Variants in TTLL5 observed in about 807,000 individuals in gnomAD.
The protein encoded by TTLL5 is tubulin tyrosine ligase like 5, also known as tubulin polyglutamylase TTLL5.
A neutral mutation model predicts 168.4 loss-of-function variants in TTLL5; 132 were observed. That is an observed-to-expected ratio of 0.78 (90% CI 0.68 to 0.91). TTLL5 has a LOEUF of 0.91. TTLL5 is among the 40% of genes least tolerant of loss of function. TTLL5 has a pLI of 0.00. For missense variants in TTLL5, 1,545 were observed against 1,581.5 expected, an observed-to-expected ratio of 0.98 and a Z score of 0.39; for synonymous variants, 546 against 558.6, an observed-to-expected ratio of 0.98 and a Z score of 0.32.
intron 3 of TTLL5, among the ~76,000 whole-genome samples, chr14:75,680,115 A>G (rs1363485188): frequency 1.3e-5 from 2 of 152,240 alleles, no homozygotes; most frequent in African/African-American, 2.4e-5. Context: ...AAAATTCTTC[A>G]GCAGAATTCT....
chr14:75,819,674 C>G (rs1457292542), intron 27 of TTLL5, among the ~76,000 whole-genome samples: 4 of 152,222 alleles, frequency 2.6e-5, no homozygotes, highest in Non-Finnish European at 4.4e-5. Context: ...GGCAGAAAGA[C>G]TAGTTCGCCT....
chr14:75,754,974 A>G (rs924261262), intron 18 of TTLL5, among the ~76,000 whole-genome samples: 5 of 152,122 alleles, frequency 3.3e-5, no homozygotes, highest in Non-Finnish European at 7.4e-5. Flanking sequence ...ATTAAAAAAA[A>G]CATAATTTGG....
chr14:75,705,099 G>A (rs1201469910), intron 7 of TTLL5, among the ~76,000 whole-genome samples: 1 of 152,238 alleles, frequency 6.6e-6, no homozygotes, highest in Non-Finnish European at 1.5e-5. Context: ...TTCTCATTGA[G>A]CAGATTCAAA....
chr14:75,755,973 C>T (rs551703490), intron 18 of TTLL5, among the ~76,000 whole-genome samples: 94 of 128,618 alleles, frequency 7.3e-4, no homozygotes, highest in Non-Finnish European at 1.4e-3. Flanking sequence ...TATGTCCTGG[C>T]CACCCCCCCA....
At chr14:75,908,128 G>A (rs1031729285) in intron 31 of TTLL5, among the ~76,000 whole-genome samples, 3 of 152,256 alleles carry the variant, frequency 2.0e-5, no homozygotes, top group Non-Finnish European at 4.4e-5. Context: ...AGCCTGAGCT[G>A]TGTATAAGCG....
rs374432375 is a variant in TTLL5, at chr14:75,938,698, C to T, written c.3824-15726C>T. On this transcript the variant is annotated intron_variant, in intron 31 of 31. Transcript: ENST00000298832. ...TTGCAATTTTCCTAAGGTTACTGCT[C>T]GTAAATCTCAGTTTCCCAAGATGAT... 3.3e-5 allele frequency among the ~76,000 whole-genome samples: 5 copies of T among 152,204 alleles called. No individual in the cohort carries two copies. The South Asian group carries it at 6.2e-4, about 19-fold the overall frequency.
chr14:75,904,385 T>G (rs1241312870), intron 31 of TTLL5: 10 of 430,148 alleles, frequency 2.3e-5, no homozygotes, highest in Non-Finnish European at 3.1e-5. Context: ...CTCTTCAAGT[T>G]TGCTTCTGCT....
intron 28 of TTLL5, among the ~76,000 whole-genome samples, chr14:75,830,020 G>A (rs917069899): frequency 6.6e-6 from 1 of 152,204 alleles, no homozygotes; most frequent in Non-Finnish European, 1.5e-5. Flanking sequence ...TAGTAGAAAA[G>A]TTAGAGAAAT....
intron 28 of TTLL5, among the ~76,000 whole-genome samples, chr14:75,857,464 C>T (rs1897191117): frequency 6.6e-6 from 1 of 151,780 alleles, no homozygotes; most frequent in African/African-American, 2.4e-5. Context: ...TATCTGTGTT[C>T]ATCAGGCATA....
chr14:75,852,700 G>A (rs1896926096), intron 28 of TTLL5, among the ~76,000 whole-genome samples: 2 of 152,062 alleles, frequency 1.3e-5, no homozygotes, highest in Admixed American at 1.3e-4. Flanking sequence ...AATTTTTAGA[G>A]ATCACTTAAA....
chr14:75,762,312 T>C lies in TTLL5; in HGVS notation c.1551-2303T>C, dbSNP rs1372765630. Among the ~76,000 whole-genome samples, 6 of 152,090 alleles carry C rather than the reference T, an allele frequency of 3.9e-5. No individual in the cohort carries two copies. In the South Asian group the frequency reaches 1.0e-3, roughly 26 times the overall value. On this transcript the variant is annotated intron_variant, in intron 18 of 31. Coordinates refer to ENST00000298832, the MANE Select transcript of TTLL5 (RefSeq NM_015072.5). The stretch of plus-strand genomic sequence containing the variant: ...TGGGAGGCTGAGGCAGGAGAATTGC[T>C]TGAACCCAGGAGGCAGAGGTTGCAG...
intron 3 of TTLL5, among the ~76,000 whole-genome samples, 176 bp downstream of exon 3, chr14:75,669,698 C>G (rs1320103013): frequency 6.6e-6 from 1 of 150,868 alleles, no homozygotes; most frequent in East Asian, 1.9e-4. Context: ...TATGTTTTTC[C>G]TCTGATTTTT....
At chr14:75,729,575 C>T (rs565328432) in intron 12 of TTLL5, among the ~76,000 whole-genome samples, 1 of 152,286 alleles carries the variant, frequency 6.6e-6, no homozygotes, top group Non-Finnish European at 1.5e-5. Flanking sequence ...CCCATTCCCC[C>T]CACCAATGCC....
chr14:75,914,859 G>A (rs542276240), intron 31 of TTLL5, among the ~76,000 whole-genome samples: 1 of 152,174 alleles, frequency 6.6e-6, no homozygotes, highest in African/African-American at 2.4e-5. Context: ...TCCTGACCTC[G>A]TGATCCGCCC....
intron 28 of TTLL5, among the ~76,000 whole-genome samples, chr14:75,832,031 C>T (rs1020931876): frequency 1.3e-5 from 2 of 152,118 alleles, no homozygotes; most frequent in African/African-American, 4.8e-5. Context: ...TCCTACATTT[C>T]TGTGATAGAT....
At chr14:75,773,965 G>A (rs10148924) in intron 21 of TTLL5, among the ~76,000 whole-genome samples, 3,992 of 48,536 alleles carry the variant, frequency 0.082, 127 homozygotes, top group African/African-American at 0.13. Flanking sequence ...GAAAGAGAGA[G>A]AGAGAGAGAG....
At chr14:75,885,215 G>T (rs557731644) in intron 30 of TTLL5, among the ~76,000 whole-genome samples, 6 of 150,228 alleles carry the variant, frequency 4.0e-5, no homozygotes, top group African/African-American at 1.2e-4. Flanking sequence ...AACTGGCCAG[G>T]TGCGGTGGCT....
In TTLL5 at chr14:75,831,964, G is replaced by A. The variant is rs141687001; in HGVS notation, c.3326+11803G>A. 2.2e-3 allele frequency among the ~76,000 whole-genome samples: 337 copies of A among 152,192 alleles called. 5 individuals carry two copies. Among genetic ancestry groups the A allele is most frequent in the African/African-American group, 7.0e-3 (290 of 41,508 alleles). On this transcript the variant is annotated intron_variant, in intron 28 of 31. Transcript: ENST00000298832. ...TGTCCGTTTCTGATCACTTGCCAAC[G>A]GAGGGGTAGAGTCCTCTTCTGTTTT...
In TTLL5 at chr14:75,821,411, A is replaced by G. The variant is rs539622253; in HGVS notation, c.3326+1250A>G. ...AATTCTGTTTATACCATAGAGCTTT[A>G]TTTTCCATAAAAAAATTTCCAGATA... On this transcript the variant is annotated intron_variant, in intron 28 of 31. Coordinates refer to ENST00000298832, the MANE Select transcript of TTLL5 (RefSeq NM_015072.5). Among the ~76,000 whole-genome samples the G allele has an allele frequency of 3.9e-5, 6 of 152,262 alleles. No individual in the cohort carries two copies. The South Asian group carries it at 1.2e-3, about 32-fold the overall frequency.
Sources: allele counts gnomAD v4.1 joint callset (sites outside exome capture counted in the v4.1 genomes callset), GRCh38; gene constraint gnomAD v4.1.1; transcripts MANE v1.5; gene names NCBI Gene and HGNC (gene_info 2026-07-23, HGNC 2026-07-21).